Variants in DTD1 observed in about 807,000 individuals in gnomAD.
The protein encoded by DTD1 is D-aminoacyl-tRNA deacylase 1, also known as D-tyrosyl-tRNA deacylase 1 homolog.
In DTD1, 13 loss-of-function variants were observed where a neutral mutation model predicts 25.6. The ratio of observed to expected loss-of-function variants is 0.51; its 90% confidence interval spans 0.33 to 0.81. DTD1 has a LOEUF of 0.81. DTD1 is among the 30% of genes least tolerant of loss of function. The pLI, the probability that DTD1 is intolerant of heterozygous loss-of-function variation, is 0.02. For missense variants in DTD1, 193 were observed against 266.4 expected (o/e 0.72, Z 1.92); for synonymous variants, 110 against 103.6 (o/e 1.06, Z -0.37).
intron 4 of DTD1, among the ~76,000 whole-genome samples, chr20:18,733,908 A>G (rs1334497230): frequency 6.6e-6 from 1 of 152,228 alleles, no homozygotes; most frequent in African/African-American, 2.4e-5. Flanking sequence ...CACTGACATA[A>G]TGGCACTCTA....
intron 4 of DTD1, among the ~76,000 whole-genome samples, chr20:18,663,123 T>G (rs936876218): frequency 6.6e-6 from 1 of 152,148 alleles, no homozygotes; most frequent in Admixed American, 6.5e-5. Flanking sequence ...GGCTTTTCCT[T>G]TGAAAAGGTC....
intron 4 of DTD1, among the ~76,000 whole-genome samples, chr20:18,673,660 A>G (rs1363647789): frequency 6.6e-6 from 1 of 152,154 alleles, no homozygotes; most frequent in Non-Finnish European, 1.5e-5. Context: ...GAGAGGGAAA[A>G]TGGTATTTCT....
At chr20:18,642,162 C>T (rs963214806) in intron 4 of DTD1, among the ~76,000 whole-genome samples, 1 of 152,140 alleles carries the variant, frequency 6.6e-6, no homozygotes, top group African/African-American at 2.4e-5. Flanking sequence ...CCCTTGAATT[C>T]ATTAGTATCT....
At chr20:18,725,401 C>T (rs1015363038) in intron 4 of DTD1, among the ~76,000 whole-genome samples, 3 of 152,190 alleles carry the variant, frequency 2.0e-5, no homozygotes, top group Non-Finnish European at 4.4e-5. Context: ...TCGAGTCCCA[C>T]CTCCTACCTC....
At chr20:18,639,151 G>T (rs1387116318) in intron 4 of DTD1, among the ~76,000 whole-genome samples, 1 of 137,240 alleles carries the variant, frequency 7.3e-6, no homozygotes, top group Non-Finnish European at 1.5e-5. Context: ...GGACACAAAA[G>T]CCAGAACTTG....
intron 4 of DTD1, among the ~76,000 whole-genome samples, chr20:18,675,809 TTTACACAC>T (rs2060969235): frequency 6.6e-6 from 1 of 151,418 alleles, no homozygotes; most frequent in African/African-American, 2.4e-5. Flanking sequence ...TATGTGTATA[TTTACACAC>T]ATATATGTAA....
chr20:18,726,917 A>G (rs1478965029), intron 4 of DTD1, among the ~76,000 whole-genome samples: 1 of 152,218 alleles, frequency 6.6e-6, no homozygotes, highest in Non-Finnish European at 1.5e-5. Context: ...TATCTTTCCC[A>G]GAGAAGGGAA....
At chr20:18,638,337 C>T (rs1407413531) in intron 4 of DTD1, among the ~76,000 whole-genome samples, 1 of 152,090 alleles carries the variant, frequency 6.6e-6, no homozygotes, top group Non-Finnish European at 1.5e-5. Context: ...ACATTGTACC[C>T]TCATGAAGCT....
intron 4 of DTD1, among the ~76,000 whole-genome samples, chr20:18,637,624 A>G (rs561020271): frequency 9.2e-5 from 14 of 152,314 alleles, no homozygotes; most frequent in African/African-American, 3.1e-4. Context: ...ATGGAACTAG[A>G]ATAAAAACCC....
At chr20:18,724,104 C>T (rs943356478) in intron 4 of DTD1, among the ~76,000 whole-genome samples, 1 of 152,228 alleles carries the variant, frequency 6.6e-6, no homozygotes, top group Admixed American at 6.5e-5. Flanking sequence ...TGGCAAACTT[C>T]CTCTCACGTT....
At chr20:18,662,673 A>G (rs1373101814) in intron 4 of DTD1, among the ~76,000 whole-genome samples, 2 of 152,220 alleles carry the variant, frequency 1.3e-5, no homozygotes, top group East Asian at 3.8e-4. Flanking sequence ...AGTTAAAAAG[A>G]ATGCAGTTGA....
intron 5 of DTD1, among the ~76,000 whole-genome samples, chr20:18,750,919 T>C (rs1323079868): frequency 6.6e-6 from 1 of 152,210 alleles, no homozygotes; most frequent in Non-Finnish European, 1.5e-5. Flanking sequence ...ACCCCACATT[T>C]CTGTCCTCAA....
intron 4 of DTD1, among the ~76,000 whole-genome samples, chr20:18,661,607 G>A (rs1023990427): frequency 1.4e-4 from 21 of 152,090 alleles, no homozygotes; most frequent in Admixed American, 2.6e-4. Flanking sequence ...TCCTGACCTC[G>A]TGATCTGCCC....
chr20:18,690,673 G>C (rs1361475617), intron 4 of DTD1, among the ~76,000 whole-genome samples: 1 of 151,894 alleles, frequency 6.6e-6, no homozygotes, highest in Non-Finnish European at 1.5e-5. Context: ...CCTTATTTGT[G>C]GGTTCTGTAT....
chr20:18,689,654 A>G (rs1007597837), intron 4 of DTD1, among the ~76,000 whole-genome samples: 1 of 152,152 alleles, frequency 6.6e-6, no homozygotes. Context: ...AATAAAAACC[A>G]TAATGACTTT....
Position 18,738,544 on chromosome 20 carries a change from G to A in DTD1, c.478-5556G>A, listed in dbSNP as rs1206584389. 2.0e-5 allele frequency among the ~76,000 whole-genome samples: 3 copies of A among 152,266 alleles called. No individual in the cohort carries two copies. In the East Asian group the frequency reaches 5.8e-4, roughly 29 times the overall value. On this transcript the variant is annotated intron_variant, in intron 4 of 5. Coordinates refer to ENST00000377452, the MANE Select transcript of DTD1 (RefSeq NM_080820.6). ...CTCGTTTTGAGAGCTGCACCATTCCGAAGCTCCGTTTCCTCCCCTGACTAT... is the reference window on the plus strand; with the variant it reads ...CTCGTTTTGAGAGCTGCACCATTCCAAAGCTCCGTTTCCTCCCCTGACTAT...
intron 4 of DTD1, among the ~76,000 whole-genome samples, chr20:18,723,172 G>A (rs2061211296): frequency 6.6e-6 from 1 of 152,276 alleles, no homozygotes; most frequent in South Asian, 2.1e-4. Flanking sequence ...AGCATCTCTG[G>A]CCTCTGCCCA....
At chr20:18,702,946 A>G (rs6081313) in intron 4 of DTD1, among the ~76,000 whole-genome samples, 71,055 of 151,934 alleles carry the variant, frequency 0.47, 17,369 homozygotes, top group East Asian at 0.59. Context: ...GCTGCCATCC[A>G]GCAGGAGTCC....
Position 18,683,062 on chromosome 20 carries a change from T to G in DTD1, c.477+54829T>G, listed in dbSNP as rs114200035. On this transcript the variant is annotated intron_variant, in intron 4 of 5. Coordinates refer to ENST00000377452, the MANE Select transcript of DTD1 (RefSeq NM_080820.6). The stretch of plus-strand genomic sequence containing the variant: ...CCTTCTTTAATCAGAGTTTTCCTAT[T>G]AGTCGGTTGTGGTGTAATGGACTTC... 8.5e-3 allele frequency among the ~76,000 whole-genome samples: 1,302 copies of G among 152,342 alleles called. 17 individuals are homozygous for G. The highest frequency in any genetic ancestry group is 0.03 in the African/African-American group (1,237 of 41,578).
Sources: gnomAD v4.1 joint callset for allele counts (sites outside exome capture counted in the v4.1 genomes callset) on GRCh38, gnomAD v4.1.1 for gene constraint, MANE v1.5 for transcripts, NCBI Gene and HGNC (gene_info 2026-07-23, HGNC 2026-07-21) for gene names.